The following DENND5B variants were observed in gnomAD, a reference collection of about 807,000 sequenced individuals.
DENND5B encodes DENN domain containing 5B, also known as DENN domain-containing protein 5B.
In DENND5B, 34 loss-of-function variants were observed where a neutral mutation model predicts 140.6. The ratio of observed to expected loss-of-function variants is 0.24; its 90% confidence interval spans 0.18 to 0.32. The LOEUF (loss-of-function observed/expected upper bound fraction) is 0.32. DENND5B is among the 10% of genes least tolerant of loss of function. The pLI is 1.00. For missense variants in DENND5B, 1,142 were observed against 1,560.2 expected, an observed-to-expected ratio of 0.73 and a Z score of 4.52; for synonymous variants, 551 against 562.1, an observed-to-expected ratio of 0.98 and a Z score of 0.28.
chr12:31,439,562 G>C (rs1943930996), intron 7 of DENND5B, among the ~76,000 whole-genome samples: 1 of 151,838 alleles, frequency 6.6e-6, no homozygotes, highest in South Asian at 2.1e-4. Flanking sequence ...TGGTGACTAG[G>C]ACAGTCCTCA....
At chr12:31,576,308 C>T (rs897096335) in intron 1 of DENND5B, among the ~76,000 whole-genome samples, 1 of 151,754 alleles carries the variant, frequency 6.6e-6, no homozygotes, top group African/African-American at 2.4e-5. Flanking sequence ...CAAAAATTAG[C>T]CAAGCGTAGT....
intron 1 of DENND5B, among the ~76,000 whole-genome samples, chr12:31,550,425 T>C (rs1352478399): frequency 1.3e-5 from 2 of 152,098 alleles, no homozygotes; most frequent in Non-Finnish European, 2.9e-5. Context: ...TAGTATTCCA[T>C]GGTGTATATG....
At chr12:31,583,372 G>A (rs1437203308) in intron 1 of DENND5B, among the ~76,000 whole-genome samples, 1 of 151,394 alleles carries the variant, frequency 6.6e-6, no homozygotes, top group Non-Finnish European at 1.5e-5. Flanking sequence ...ATGAGGTACT[G>A]ACTATAAAGA....
Position 31,428,470 on chromosome 12 carries a change from CAACT to C in DENND5B, c.2107-2050_2107-2047del, listed in dbSNP as rs565980677. Among the ~76,000 whole-genome samples, 44 of 152,206 alleles carry C rather than the reference CAACT, an allele frequency of 2.9e-4. 2 individuals carry two copies. The South Asian group carries it at 8.1e-3, about 28-fold the overall frequency. On this transcript the variant is annotated intron_variant, in intron 8 of 20. Transcript: ENST00000389082. ...AGGCTGAACAGCAGTGGTGCAATCT[CAACT>C]AACTGCTACCTCTGCCTCCCAGGTG...
chr12:31,562,659 A>G (rs780391558), intron 1 of DENND5B, among the ~76,000 whole-genome samples: 4 of 152,174 alleles, frequency 2.6e-5, no homozygotes, highest in Non-Finnish European at 5.9e-5. Flanking sequence ...AAAGGCTTGT[A>G]GTTGTATACG....
At chr12:31,398,561 C>G (rs1941612031) in intron 16 of DENND5B, among the ~76,000 whole-genome samples, 199 bp from the exon 17 acceptor site, 1 of 151,944 alleles carries the variant, frequency 6.6e-6, no homozygotes, top group African/African-American at 2.4e-5. Flanking sequence ...CTCAGTCTCT[C>G]AAAGTGTGTG....
chr12:31,391,637 T>G (rs1941149855), intron 19 of DENND5B, among the ~76,000 whole-genome samples: 1 of 152,156 alleles, frequency 6.6e-6, no homozygotes, highest in Non-Finnish European at 1.5e-5. Flanking sequence ...AGACAATACT[T>G]GATATTTATT....
rs980836949 is a variant in DENND5B, at chr12:31,487,610, G to A, written c.238-7355C>T. The stretch of plus-strand genomic sequence containing the variant: ...CCAGCTACCTGGAAGGCTGAGGCAC[G>A]AGAATCGCATGAATCCGGGAGGCAG... On this transcript the variant is annotated intron_variant, in intron 2 of 20. Coordinates refer to ENST00000389082, the MANE Select transcript of DENND5B (RefSeq NM_144973.4). 3.9e-5 allele frequency among the ~76,000 whole-genome samples: 6 copies of A among 152,236 alleles called. No individual in the cohort carries two copies. In the South Asian group the frequency reaches 6.2e-4, roughly 16 times the overall value.
intron 1 of DENND5B, among the ~76,000 whole-genome samples, chr12:31,497,006 T>C (rs542905359): frequency 1.3e-5 from 2 of 152,242 alleles, no homozygotes; most frequent in African/African-American, 4.8e-5. Context: ...AATGTCACTT[T>C]ACCAGTATTT....
chr12:31,580,846 C>G (rs1950187859), intron 1 of DENND5B, among the ~76,000 whole-genome samples: 1 of 152,150 alleles, frequency 6.6e-6, no homozygotes, highest in African/African-American at 2.4e-5. Context: ...TGGCTCACCC[C>G]TGTAATCCCA....
intron 1 of DENND5B, among the ~76,000 whole-genome samples, chr12:31,543,043 A>T (rs1461526289): frequency 6.6e-6 from 1 of 152,162 alleles, no homozygotes; most frequent in Non-Finnish European, 1.5e-5. Context: ...TACAAAAAAT[A>T]CAAAAACTAG....
At chr12:31,388,226 C>CTTTT (rs35891849) in intron 20 of DENND5B, among the ~76,000 whole-genome samples, 14 of 91,450 alleles carry the variant, frequency 1.5e-4, no homozygotes, top group South Asian at 4.1e-4. Context: ...TAGGGACTTG[C>CTTTT]TTTTTTTTTT....
chr12:31,569,276 G>A (rs956880940), intron 1 of DENND5B, among the ~76,000 whole-genome samples: 6 of 151,422 alleles, frequency 4.0e-5, no homozygotes, highest in South Asian at 2.1e-4. Context: ...ACCATGCTGC[G>A]CAGGCTGGTC....
chr12:31,398,950 C>G (rs987566986), intron 16 of DENND5B, among the ~76,000 whole-genome samples: 1 of 151,390 alleles, frequency 6.6e-6, no homozygotes, highest in African/African-American at 2.4e-5. Context: ...AGCAAAACCC[C>G]ATCTCTACTA....
At chr12:31,454,142 CAAAA>C (rs372795117) in intron 4 of DENND5B, among the ~76,000 whole-genome samples, 7 of 96,396 alleles carry the variant, frequency 7.3e-5, no homozygotes, top group Admixed American at 1.1e-4. Context: ...AGACTTTGGC[CAAAA>C]AAAAAAAAAA....
chr12:31,417,735 G>A lies in DENND5B; in HGVS notation c.2471-2287C>T, dbSNP rs113075300. On this transcript the variant is annotated intron_variant, in intron 11 of 20. Coordinates refer to ENST00000389082, the MANE Select transcript of DENND5B (RefSeq NM_144973.4). ...TATTGTAGTTGCAGTGTTTGGTCTC[G>A]TGCTCAATGAGATGCCATGGAGTTT... Among the ~76,000 whole-genome samples, 197 of 152,188 alleles carry A rather than the reference G, an allele frequency of 1.3e-3. 2 individuals are homozygous for A. The highest frequency in any genetic ancestry group is 4.2e-3 in the African/African-American group (174 of 41,532).
intron 14 of DENND5B, among the ~76,000 whole-genome samples, chr12:31,408,143 A>T (rs1279420742): frequency 1.3e-5 from 2 of 151,368 alleles, no homozygotes; most frequent in African/African-American, 2.4e-5. Flanking sequence ...TAAAAACACA[A>T]AAATTAGCCG....
chr12:31,555,971 T>G (rs565007132), intron 1 of DENND5B, among the ~76,000 whole-genome samples: 1 of 152,314 alleles, frequency 6.6e-6, no homozygotes, highest in East Asian at 1.9e-4. Flanking sequence ...TTTCTTTGAC[T>G]AGGAAAGGGA....
At chr12:31,393,051 C>T (rs1000127919) in intron 17 of DENND5B, among the ~76,000 whole-genome samples, 2 of 152,120 alleles carry the variant, frequency 1.3e-5, no homozygotes, top group South Asian at 2.1e-4. Flanking sequence ...ACTAGCATGG[C>T]GCCTGTCACA....
Sources: allele counts gnomAD v4.1 joint callset (sites outside exome capture counted in the v4.1 genomes callset), GRCh38; gene constraint gnomAD v4.1.1; transcripts MANE v1.5; gene names NCBI Gene and HGNC (gene_info 2026-07-23, HGNC 2026-07-21).